Variants in FBN3 observed in about 807,000 individuals in gnomAD.
FBN3 encodes fibrillin 3.
FBN3 carries 234 observed loss-of-function variants against 330.1 expected under a neutral mutation model. The ratio of observed to expected loss-of-function variants is 0.71; its 90% confidence interval spans 0.64 to 0.79. The LOEUF is 0.79. Among genes scored for constraint, FBN3 ranks in the 30% least tolerant of loss-of-function variants. The probability of loss-of-function intolerance (pLI) is 0.00; values close to 1 mark genes in which losing one functional copy is unlikely to be tolerated. For missense variants in FBN3, 3,606 were observed against 3,886.9 expected (o/e 0.93, Z 1.92); for synonymous variants, 1,458 against 1,517.3 (o/e 0.96, Z 0.91).
Position 8,087,208 on chromosome 19 carries a change from A to G in FBN3, c.6623T>C (p.Val2208Ala), listed in dbSNP as rs776906920. 1 of 1,588,874 alleles carries G rather than the reference A, an allele frequency of 6.3e-7. No homozygotes were observed. The highest frequency in any genetic ancestry group is 1.1e-5 in the South Asian group (1 of 89,048). ...CTGCTGACCATCTGCACACTCGTCCACATCTTCGGATGACCAGAGACAGAT... is the reference window on the plus strand; with the variant it reads ...CTGCTGACCATCTGCACACTCGTCCGCATCTTCGGATGACCAGAGACAGAT... ...LREDGAMCRD[V>A]DECADGQQDC... The change falls in exon 54 of 64, where the codon GTG (valine) becomes GCG (alanine). Residue 2208 changes from valine (V) to alanine (A), a missense_variant. Val to Ala is a moderately conservative substitution (Grantham distance 64). Coordinates refer to ENST00000600128, the MANE Select transcript of FBN3 (RefSeq NM_032447.5).
intron 6 of FBN3, 73 bp from the exon 7 acceptor site, chr19:8,142,210 T>G: frequency 1.6e-6 from 2 of 1,222,832 alleles, no homozygotes. Context: ...CTCTAACACC[T>G]TCTCAGCGGC....
Position 8,089,469 on chromosome 19 carries a change from T to A in FBN3, c.6376+76A>T. The A allele has an allele frequency of 1.9e-6, 3 of 1,562,842 alleles. No homozygotes were observed. The South Asian group carries it at 3.5e-5, about 18-fold the overall frequency. On this transcript the variant is annotated intron_variant, in intron 51 of 63. Coordinates refer to ENST00000600128, the MANE Select transcript of FBN3 (RefSeq NM_032447.5). ...GGATCTCACCCACTGCCTGGGGGTG[T>A]CTTCCCTGCCCTGCTCTGCTCCTTC...
rs1423056007 is a variant in FBN3, at chr19:8,073,197, A to G, written c.7803T>C (p.Phe2601=). 2 of 1,614,036 alleles carry G rather than the reference A, an allele frequency of 1.2e-6. No homozygotes were observed. Among genetic ancestry groups the G allele is most frequent in the Admixed American group, 1.7e-5 (1 of 60,004 alleles). The change falls in exon 62 of 64, where the codon TTT becomes TTC. Residue 2601 remains phenylalanine, a synonymous_variant. Transcript: ENST00000600128. ...CCTGGCAGCCCCCGAGGGCCTGATC[A>G]AAGTCAAAGCCAGAGGGGCAGACGC... ...FRCVCPSGFD[F]DQALGGCQEV...
rs191358724 is a variant in FBN3, at chr19:8,114,827, C to T, written c.3838+688G>A. Among the ~76,000 whole-genome samples the T allele has an allele frequency of 5.3e-4, 81 of 151,876 alleles. 1 individual carries two copies. The East Asian group carries it at 0.014, about 27-fold the overall frequency. Reference sequence around the variant, plus strand: ...CTCGACCTCGGCTCACTGCAAGCTTCGCCTCCTGGGTTCACGCCATTCTCC... The same window carrying T: ...CTCGACCTCGGCTCACTGCAAGCTTTGCCTCCTGGGTTCACGCCATTCTCC... On this transcript the variant is annotated intron_variant, in intron 30 of 63. Transcript: ENST00000600128.
chr19:8,121,963 G>A lies in FBN3; in HGVS notation c.3083-577C>T, dbSNP rs968930202. ...GGTGTTTCGCCATGTTGGCCAGGCT[G>A]GTCTCAAACTCCTGACCTAAAGCAG... is the stretch of plus-strand genomic sequence containing the variant. On this transcript the variant is annotated intron_variant, in intron 24 of 63. Coordinates refer to ENST00000600128, the MANE Select transcript of FBN3 (RefSeq NM_032447.5). This position sits in a 1 kb window ranked among gnomAD's most constrained non-coding sequence, Gnocchi z 4.5. Among the ~76,000 whole-genome samples, 4 of 151,874 alleles carry A rather than the reference G, an allele frequency of 2.6e-5. No homozygotes were observed. The highest frequency in any genetic ancestry group is 2.6e-4 in the Admixed American group (4 of 15,228).
rs1393362104 is a variant in FBN3 at position 8,138,315 on chromosome 19, G to A, written c.1027C>T (p.Gln343Ter). ...GGCAGCCGCTGGGCGCACAGTTGCT[G>A]GAATTCATCTGCAAGGAAGCAGGGT... ...LCPPRGSNEF[Q>*]QLCAQRLPLL... Residue 343 changes from glutamine (Q) to a stop codon, truncating the protein, a stop_gained, in exon 10 of 64, where the codon CAG becomes TAG. Transcript: ENST00000600128. LOFTEE classifies it high-confidence loss of function. 6.2e-7 allele frequency: 1 copy of A among 1,613,000 alleles called. No homozygotes were observed. The highest frequency in any genetic ancestry group is 8.5e-7 in the Non-Finnish European group (1 of 1,179,698).
At chr19:8,145,006 C>T (rs1180745630) in intron 5 of FBN3, 34 bp from the exon 6 acceptor site, 2 of 1,557,434 alleles carry the variant, frequency 1.3e-6, no homozygotes, top group Admixed American at 1.8e-5. Context: ...CTGGAGGTCC[C>T]CCAGCAGCAG....
At chr19:8,105,261 CTTT>C (rs1185900615) in intron 38 of FBN3, among the ~76,000 whole-genome samples, 3 of 137,800 alleles carry the variant, frequency 2.2e-5, no homozygotes, top group African/African-American at 2.6e-5. Context: ...TCTTTTTTTT[CTTT>C]TTTTTTTTTT....
chr19:8,101,050 C>T, intron 40 of FBN3, 78 bp from the exon 41 acceptor site: 1 of 1,214,962 alleles, frequency 8.2e-7, no homozygotes. Context: ...GGGGACACCT[C>T]ATCCCTGGAG....
Position 8,073,224 on chromosome 19 carries a change from G to A in FBN3, c.7776C>T (p.Arg2592=), listed in dbSNP as rs2081564037. Residue 2592 remains arginine, a synonymous_variant, in exon 62 of 64, where the codon CGC becomes CGT. Transcript: ENST00000600128. The part of the protein sequence containing the change: ...ASCRNTLGGF[R]CVCPSGFDFD... ...AGTCAAAGCCAGAGGGGCAGACGCA[G>A]CGGAAGCCACCAAGAGTGTTGCGAC... 2 of 1,614,116 alleles carry A rather than the reference G, an allele frequency of 1.2e-6. No individual in the cohort carries two copies. The highest frequency in any genetic ancestry group is 1.3e-5 in the African/African-American group (1 of 75,060).
Position 8,091,375 on chromosome 19 carries a change from A to G in FBN3, c.6031+90T>C, listed in dbSNP as rs117796475. 1.6e-3 allele frequency: 2,490 copies of G among 1,518,978 alleles called. 21 individuals are homozygous for G. The South Asian group carries it at 0.016, about 10-fold the overall frequency. The allele number at this position is 1,518,978 out of a possible 1,614,324, so 94.1% of individuals were successfully genotyped here. A position where few individuals can be genotyped will look rare whatever the true frequency, so the allele number is the denominator to read the frequency against. On this transcript the variant is annotated intron_variant, in intron 48 of 63. Coordinates refer to ENST00000600128, the MANE Select transcript of FBN3 (RefSeq NM_032447.5). ...GCCTGGTCAGAGCTCCCAAAGGGTC[A>G]CACAAGAAACCACAGCCCTCTTTTC... is the stretch of plus-strand genomic sequence containing the variant.
chr19:8,148,205 C>T (rs1282387575), intron 1 of FBN3, among the ~76,000 whole-genome samples: 2 of 152,132 alleles, frequency 1.3e-5, no homozygotes, highest in Non-Finnish European at 2.9e-5. Flanking sequence ...CATCCCACGC[C>T]GGTCTTGCCT....
In FBN3 at chr19:8,109,631, C is replaced by T; in HGVS notation, c.4456G>A (p.Asp1486Asn). 2 of 1,592,566 alleles carry T rather than the reference C, an allele frequency of 1.3e-6. No homozygotes were observed. Among genetic ancestry groups the T allele is most frequent in the Non-Finnish European group, 1.7e-6 (2 of 1,168,974 alleles). Reference protein sequence around the residue: ...ELNPSGVGCVDTRAGNCFLET... With the variant: ...ELNPSGVGCVNTRAGNCFLET... ...GATCTGGAGTTGAGCATGGACTCACCCACGCAGCCCACTCCGCTGGGGTTC... is the reference window on the plus strand; with the variant it reads ...GATCTGGAGTTGAGCATGGACTCACTCACGCAGCCCACTCCGCTGGGGTTC... The change falls in exon 35 of 64, where the codon GAC becomes AAC. Residue 1486 changes from aspartate (D) to asparagine (N), a missense_variant and splice_region_variant. Physicochemically the swap from Asp to Asn is conservative, Grantham distance 23. Transcript: ENST00000600128. This position sits in a 1 kb window ranked among gnomAD's most constrained non-coding sequence, Gnocchi z 5.2.
Position 8,133,037 on chromosome 19 carries a change from G to C in FBN3, c.1661C>G (p.Ser554Cys). The C allele has an allele frequency of 6.3e-7, 1 of 1,585,670 alleles. No homozygotes were observed. Among genetic ancestry groups the C allele is most frequent in the South Asian group, 1.1e-5 (1 of 86,992 alleles). The change falls in exon 14 of 64, where the codon TCC (serine) becomes TGC (cysteine). Residue 554 changes from serine to cysteine, a missense_variant. Transcript: ENST00000600128. ...GVCLNEDGSF[S>C]CLCKPGFLLA... is the part of the protein sequence containing the mutation. Reference sequence around the variant, plus strand: ...CAGGAAGCCGGGTTTGCAGAGGCAGGAGAAGCTGCCATCCTCGTTGAGACA... The same window carrying C: ...CAGGAAGCCGGGTTTGCAGAGGCAGCAGAAGCTGCCATCCTCGTTGAGACA...
chr19:8,125,297 C>T (rs2082950267), intron 22 of FBN3, among the ~76,000 whole-genome samples: 1 of 151,884 alleles, frequency 6.6e-6, no homozygotes, highest in South Asian at 2.1e-4. Context: ...ACCTGTAGTC[C>T]CAGCTGCTCA....
At position 8,073,066 on chromosome 19, in the gene FBN3, T is replaced by G; in HGVS notation, c.7934A>C (p.Gln2645Pro). Reference protein sequence around the residue: ...GCPQGYFRAGQGHCVSGLGFS... With the variant: ...GCPQGYFRAGPGHCVSGLGFS... ...TTGCCCCACTCCAGCCTCTCACCCT[T>G]GCCCAGCCCGGAAGTAGCCTTGAGG... The change falls in exon 62 of 64, where the codon CAA (glutamine) becomes CCA (proline). Residue 2645 changes from glutamine to proline, a missense_variant. Coordinates refer to ENST00000600128, the MANE Select transcript of FBN3 (RefSeq NM_032447.5). The G allele has an allele frequency of 6.4e-7, 1 of 1,571,032 alleles. No homozygotes were observed. The highest frequency in any genetic ancestry group is 8.7e-7 in the Non-Finnish European group (1 of 1,152,662).
intron 59 of FBN3, among the ~76,000 whole-genome samples, chr19:8,076,096 C>T (rs946711401): frequency 1.3e-5 from 2 of 152,102 alleles, no homozygotes; most frequent in African/African-American, 4.8e-5. Context: ...AGTGAGGACA[C>T]AGCAAAAAGG....
chr19:8,133,153 AC>A (rs1244670303), intron 13 of FBN3, 47 bp from the exon 14 acceptor site: 4 of 1,519,438 alleles, frequency 2.6e-6, no homozygotes, highest in African/African-American at 2.8e-5. Flanking sequence ...CCACACTGGG[AC>A]CCTCTCTCTC....
At position 8,096,166 on chromosome 19, in the gene FBN3, T is replaced by G; in HGVS notation, c.5540-86A>C. On this transcript the variant is annotated intron_variant, in intron 44 of 63. Coordinates refer to ENST00000600128, the MANE Select transcript of FBN3 (RefSeq NM_032447.5). The surrounding 1 kb of genome is among the most constrained non-coding windows in gnomAD (Gnocchi z 4.6). The stretch of plus-strand genomic sequence containing the variant: ...GTGAGAGGCCAGCTGGACCTAGCAC[T>G]CCTCCCCTGCACCTAGCCCTGCCTA... The G allele has an allele frequency of 9.6e-7, 1 of 1,045,862 alleles. No homozygotes were observed. The highest frequency in any genetic ancestry group is 1.3e-5 in the South Asian group (1 of 77,898). The allele number at this position is 1,045,862 out of a possible 1,614,324, so 64.8% of individuals were successfully genotyped here.
Sources: gnomAD v4.1 joint callset for allele counts (sites outside exome capture counted in the v4.1 genomes callset) on GRCh38, gnomAD v4.1.1 for gene constraint, Gnocchi (gnomAD v3.1) non-coding constraint, MANE v1.5 for transcripts, NCBI Gene and HGNC (gene_info 2026-07-23, HGNC 2026-07-21) for gene names.